Variants in ZNF385D observed in about 807,000 individuals in gnomAD.
The protein encoded by ZNF385D is zinc finger protein 659.
In ZNF385D, 15 loss-of-function variants were observed where a neutral mutation model predicts 35.8. The ratio of observed to expected loss-of-function variants is 0.42; its 90% CI spans 0.28 to 0.64. ZNF385D has a LOEUF of 0.64. Among genes scored for constraint, ZNF385D ranks in the 30% least tolerant of loss-of-function variants. ZNF385D has a pLI of 0.23. For missense variants in ZNF385D, 474 were observed against 494.6 expected (o/e 0.96, Z 0.39); for synonymous variants, 212 against 186.8 (o/e 1.13, Z -1.10).
chr3:21,931,439 T>C (rs1182364220), intron 3 of ZNF385D, among the ~76,000 whole-genome samples: 1 of 152,192 alleles, frequency 6.6e-6, no homozygotes, highest in Non-Finnish European at 1.5e-5. Flanking sequence ...GTTACATTCC[T>C]AGATATTTAC....
chr3:21,812,248 T>A (rs1411959478), intron 3 of ZNF385D, among the ~76,000 whole-genome samples: 1 of 152,228 alleles, frequency 6.6e-6, no homozygotes, highest in African/African-American at 2.4e-5. Flanking sequence ...GATGGTCGAA[T>A]AGGAACAGCT....
chr3:21,816,887 G>A (rs976462330), intron 3 of ZNF385D, among the ~76,000 whole-genome samples: 3 of 152,120 alleles, frequency 2.0e-5, no homozygotes, highest in African/African-American at 7.2e-5. Context: ...ACAATCCTAA[G>A]CCAAAAGAAC....
chr3:22,122,602 G>A (rs1452753785), intron 3 of ZNF385D, among the ~76,000 whole-genome samples: 4 of 151,928 alleles, frequency 2.6e-5, no homozygotes, highest in African/African-American at 7.2e-5. Flanking sequence ...AAAACAGAAA[G>A]AGAAAAAAAT....
chr3:21,591,283 T>C (rs1213901836), intron 2 of ZNF385D, among the ~76,000 whole-genome samples: 2 of 152,066 alleles, frequency 1.3e-5, no homozygotes, highest in Admixed American at 1.3e-4. Context: ...TTTTTACAAG[T>C]GCCCCCTCAA....
At chr3:22,140,507 A>G (rs1704440842) in intron 3 of ZNF385D, among the ~76,000 whole-genome samples, 1 of 152,164 alleles carries the variant, frequency 6.6e-6, no homozygotes, top group Non-Finnish European at 1.5e-5. Context: ...CTATGTGATA[A>G]AATTTCATAG....
At chr3:21,946,238 A>G (rs79870049) in intron 3 of ZNF385D, among the ~76,000 whole-genome samples, 4,231 of 152,236 alleles carry the variant, frequency 0.028, 91 homozygotes, top group Non-Finnish European at 0.039. Flanking sequence ...TCTATTTAAA[A>G]TGAGACAATT....
chr3:22,223,034 C>G (rs1698352313), intron 2 of ZNF385D, among the ~76,000 whole-genome samples: 1 of 152,014 alleles, frequency 6.6e-6, no homozygotes, highest in Non-Finnish European at 1.5e-5. Flanking sequence ...GCCATTATTT[C>G]CATTTTTTAA....
intron 2 of ZNF385D, among the ~76,000 whole-genome samples, chr3:22,235,754 T>C (rs1559470253): frequency 6.6e-6 from 1 of 152,120 alleles, no homozygotes; most frequent in South Asian, 2.1e-4. Context: ...TGCTTAATAA[T>C]ACTGTGTGCT....
chr3:22,275,596 A>G (rs952378374), intron 2 of ZNF385D, among the ~76,000 whole-genome samples: 7 of 152,154 alleles, frequency 4.6e-5, no homozygotes, highest in African/African-American at 7.2e-5. Context: ...TAATATTCTT[A>G]TCTAAAAGAA....
At chr3:21,606,999 G>A (rs1002940559) in intron 2 of ZNF385D, among the ~76,000 whole-genome samples, 3 of 152,054 alleles carry the variant, frequency 2.0e-5, no homozygotes, top group African/African-American at 2.4e-5. Context: ...ATATTATCAG[G>A]CAAGTTAAGG....
At chr3:21,468,327 G>A (rs988810684) in intron 4 of ZNF385D, among the ~76,000 whole-genome samples, 4 of 149,480 alleles carry the variant, frequency 2.7e-5, no homozygotes, top group African/African-American at 9.9e-5. Context: ...ACTTGAACCT[G>A]GGAGGCAGAG....
chr3:21,691,918 T>C (rs2067299256), intron 1 of ZNF385D, among the ~76,000 whole-genome samples: 1 of 152,184 alleles, frequency 6.6e-6, no homozygotes, highest in Non-Finnish European at 1.5e-5. Flanking sequence ...GTAACCACTA[T>C]TCTACTTTGT....
intron 3 of ZNF385D, among the ~76,000 whole-genome samples, chr3:21,950,177 T>C (rs1701996186): frequency 6.6e-6 from 1 of 151,804 alleles, no homozygotes; most frequent in Admixed American, 6.6e-5. Flanking sequence ...CCACCAACAG[T>C]GTAAAAGTGT....
intron 3 of ZNF385D, among the ~76,000 whole-genome samples, chr3:22,071,279 A>T (rs1482326148): frequency 6.6e-6 from 1 of 152,184 alleles, no homozygotes; most frequent in Non-Finnish European, 1.5e-5. Flanking sequence ...ATCTTTATCA[A>T]GCTTCTGTCC....
chr3:21,779,459 G>A (rs2071411380), intron 3 of ZNF385D, among the ~76,000 whole-genome samples: 3 of 151,846 alleles, frequency 2.0e-5, no homozygotes, highest in Admixed American at 2.0e-4. Flanking sequence ...AAATTGTATG[G>A]CCAAAAGCAT....
chr3:21,628,240 G>T (rs2065188288), intron 2 of ZNF385D, among the ~76,000 whole-genome samples: 1 of 152,094 alleles, frequency 6.6e-6, no homozygotes, highest in African/African-American at 2.4e-5. Context: ...GGGCTTTAAG[G>T]TGGCATTTCA....
At chr3:22,219,435 G>A (rs1698110704) in intron 2 of ZNF385D, among the ~76,000 whole-genome samples, 1 of 152,046 alleles carries the variant, frequency 6.6e-6, no homozygotes, top group African/African-American at 2.4e-5. Flanking sequence ...ATTGTGCCCT[G>A]TCACCATATA....
At chr3:21,450,239 T>C (rs868053111) in intron 4 of ZNF385D, among the ~76,000 whole-genome samples, 2 of 152,288 alleles carry the variant, frequency 1.3e-5, no homozygotes, top group Middle Eastern at 6.8e-3. Context: ...CTTTGTGCTT[T>C]CTTTTATGCT....
At chr3:21,924,848 G>C (rs1357354508) in intron 3 of ZNF385D, among the ~76,000 whole-genome samples, 2 of 152,180 alleles carry the variant, frequency 1.3e-5, no homozygotes, top group East Asian at 3.9e-4. Context: ...GGTCAACTGA[G>C]GCCCATTGGG....
Sources: gnomAD v4.1 joint callset for allele counts (sites outside exome capture counted in the v4.1 genomes callset) on GRCh38, gnomAD v4.1.1 for gene constraint, MANE v1.5 for transcripts, NCBI Gene and HGNC (gene_info 2026-07-23, HGNC 2026-07-21) for gene names.